ZCCHC17: variants seen among roughly 807,000 people sequenced by gnomAD.
The protein encoded by ZCCHC17 is zinc finger CCHC-type containing 17.
Under a neutral mutation model 30.6 loss-of-function variants are expected in ZCCHC17, and 18 were observed. The observed-to-expected ratio is 0.59, with a 90% CI of 0.41 to 0.87. The LOEUF (loss-of-function observed/expected upper bound fraction) is 0.87. ZCCHC17 is among the 40% of genes least tolerant of loss of function. The pLI, the probability that ZCCHC17 is intolerant of heterozygous loss-of-function variation, is 0.00. For missense variants in ZCCHC17, 263 were observed against 284.2 expected (o/e 0.93, Z 0.54); for synonymous variants, 88 against 92.4 (o/e 0.95, Z 0.27).
chr1:31,314,160 T>C (rs1646674637), intron 2 of ZCCHC17, among the ~76,000 whole-genome samples: 1 of 152,138 alleles, frequency 6.6e-6, no homozygotes, highest in African/African-American at 2.4e-5. Context: ...CCACTGTGCC[T>C]GGCCACCTAC....
At chr1:31,317,599 A>C (rs1490529239) in intron 2 of ZCCHC17, among the ~76,000 whole-genome samples, 1 of 151,876 alleles carries the variant, frequency 6.6e-6, no homozygotes, top group Non-Finnish European at 1.5e-5. Flanking sequence ...TTCACTCCAA[A>C]GCATGTTCAC....
chr1:31,362,101 C>T (rs1569954590), intron 7 of ZCCHC17, among the ~76,000 whole-genome samples: 1 of 152,306 alleles, frequency 6.6e-6, no homozygotes, highest in Middle Eastern at 3.4e-3. Flanking sequence ...TGAGCCACCG[C>T]GCCCAGCCAG....
intron 3 of ZCCHC17, among the ~76,000 whole-genome samples, chr1:31,333,797 A>G (rs373699916): frequency 1.4e-4 from 21 of 152,320 alleles, no homozygotes; most frequent in African/African-American, 4.6e-4. Context: ...CATTATTTCT[A>G]TGTGGTACTC....
Position 31,346,827 on chromosome 1 carries a change from A to G in ZCCHC17, c.418+87A>G, listed in dbSNP as rs1639292717. On this transcript the variant is annotated intron_variant, in intron 6 of 7. Coordinates refer to ENST00000344147, the MANE Select transcript of ZCCHC17 (RefSeq NM_016505.4). ...GAAGGAGGCAGCCCAGTGTGAGTTT[A>G]GTTTACCCTGTTTTTTAGCCAAGTG... is the stretch of plus-strand genomic sequence containing the variant. The G allele has an allele frequency of 2.5e-6, 4 of 1,577,366 alleles. No homozygotes were observed. In the East Asian group the frequency reaches 9.3e-5, roughly 37 times the overall value.
chr1:31,363,749 T>C (rs577288024), intron 7 of ZCCHC17, among the ~76,000 whole-genome samples: 1 of 152,326 alleles, frequency 6.6e-6, no homozygotes, highest in Non-Finnish European at 1.5e-5. Flanking sequence ...GCCACTGCAC[T>C]GCACTCTAGC....
At position 31,346,467 on chromosome 1, in the gene ZCCHC17, A is replaced by C. The variant is rs777633476; in HGVS notation, c.318-173A>C. The stretch of plus-strand genomic sequence containing the variant: ...AGGTTAGTCTCATTCGTAATTGTTA[A>C]TTTAGGGCTATTTCACATCATTGCA... On this transcript the variant is annotated intron_variant, in intron 5 of 7. Transcript: ENST00000344147. 2.4e-4 allele frequency: 144 copies of C among 596,368 alleles called. 1 individual carries two copies. Among genetic ancestry groups the C allele is most frequent in the Middle Eastern group, 2.2e-3 (5 of 2,226 alleles). 36.9% of individuals were successfully genotyped at this position (596,368 alleles called of 1,614,324 possible).
At chr1:31,322,259 A>G (rs1253860983) in intron 3 of ZCCHC17, among the ~76,000 whole-genome samples, 1 of 152,154 alleles carries the variant, frequency 6.6e-6, no homozygotes. Context: ...CAGATTCCAC[A>G]AACTTAAGGG....
intron 1 of ZCCHC17, among the ~76,000 whole-genome samples, chr1:31,309,831 C>G (rs1316755494): frequency 1.3e-5 from 2 of 151,554 alleles, no homozygotes; most frequent in Non-Finnish European, 2.9e-5. Flanking sequence ...AAATTAGTAG[C>G]CTAATGGCCT....
chr1:31,327,882 G>A (rs766023577), intron 3 of ZCCHC17, among the ~76,000 whole-genome samples: 1 of 152,248 alleles, frequency 6.6e-6, no homozygotes, highest in East Asian at 1.9e-4. Flanking sequence ...TTAACTTTGA[G>A]TACTATGCTG....
intron 7 of ZCCHC17, among the ~76,000 whole-genome samples, chr1:31,360,659 A>G (rs6669381): frequency 0.54 from 82,594 of 152,036 alleles, 23,339 homozygotes; most frequent in Non-Finnish European, 0.62. Context: ...TCCATGTTCC[A>G]GCATGCCAGG....
chr1:31,342,242 A>G (rs1465598562), intron 5 of ZCCHC17, among the ~76,000 whole-genome samples: 3 of 151,960 alleles, frequency 2.0e-5, no homozygotes, highest in Admixed American at 2.0e-4. Context: ...ACGGGGTTTC[A>G]CCATGTTGAC....
At chr1:31,339,124 C>A in intron 5 of ZCCHC17, 76 bp downstream of exon 5, 2 of 1,015,428 alleles carry the variant, frequency 2.0e-6, no homozygotes, top group Non-Finnish European at 2.9e-6. Context: ...TCAGACTGAA[C>A]TGGTAACTCT....
At chr1:31,302,692 AG>A (rs928015664) in intron 1 of ZCCHC17, among the ~76,000 whole-genome samples, 3 of 152,136 alleles carry the variant, frequency 2.0e-5, no homozygotes, top group Admixed American at 6.5e-5. Flanking sequence ...GGGAGTCCTC[AG>A]GAAACTTATA....
chr1:31,362,791 T>C (rs1209513945), intron 7 of ZCCHC17, among the ~76,000 whole-genome samples: 1 of 152,222 alleles, frequency 6.6e-6, no homozygotes, highest in Non-Finnish European at 1.5e-5. Context: ...GGCTAGTCTT[T>C]AGGGGCGCCT....
intron 5 of ZCCHC17, among the ~76,000 whole-genome samples, chr1:31,339,362 G>GA (rs1471947280): frequency 6.6e-6 from 1 of 152,154 alleles, no homozygotes; most frequent in Non-Finnish European, 1.5e-5. Context: ...AAATTTGCTG[G>GA]ATGTGGTAGT....
At chr1:31,357,548 A>G (rs1222625694) in intron 7 of ZCCHC17, among the ~76,000 whole-genome samples, 3 of 152,226 alleles carry the variant, frequency 2.0e-5, no homozygotes, top group Non-Finnish European at 2.9e-5. Flanking sequence ...TAAAATCCCT[A>G]TCTTCATGGC....
At chr1:31,354,265 T>G (rs1483131487) in intron 7 of ZCCHC17, among the ~76,000 whole-genome samples, 1 of 152,236 alleles carries the variant, frequency 6.6e-6, no homozygotes, top group African/African-American at 2.4e-5. Context: ...ACACAACTGA[T>G]TTTAGCATGT....
intron 5 of ZCCHC17, among the ~76,000 whole-genome samples, chr1:31,343,793 C>T (rs571703692): frequency 6.7e-6 from 1 of 149,740 alleles, no homozygotes; most frequent in South Asian, 2.1e-4. Context: ...GATCCTCCTC[C>T]TTCAGCCTCC....
intron 7 of ZCCHC17, among the ~76,000 whole-genome samples, chr1:31,357,954 A>T (rs1639710556): frequency 6.6e-6 from 1 of 152,096 alleles, no homozygotes; most frequent in South Asian, 2.1e-4. Context: ...GGGTTTCTCC[A>T]TGTTGTTCAG....
Sources: allele counts gnomAD v4.1 joint callset (sites outside exome capture counted in the v4.1 genomes callset), GRCh38; gene constraint gnomAD v4.1.1; transcripts MANE v1.5; gene names NCBI Gene and HGNC (gene_info 2026-07-23, HGNC 2026-07-21).